ATRNL1: variants seen among roughly 807,000 people sequenced by gnomAD.
The protein encoded by ATRNL1 is attractin like 1.
In ATRNL1, 95 loss-of-function variants were observed where a neutral mutation model predicts 182.7. The observed-to-expected ratio is 0.52, with a 90% CI of 0.44 to 0.62. ATRNL1 has a LOEUF of 0.62. Among genes scored for constraint, ATRNL1 ranks in the 20% least tolerant of loss-of-function variants. The probability of loss-of-function intolerance (pLI) is 0.00; values close to 1 mark genes in which losing one functional copy is unlikely to be tolerated. For missense variants in ATRNL1, 1,471 were observed against 1,679.5 expected (o/e 0.88, Z 2.17); for synonymous variants, 576 against 568.3 (o/e 1.01, Z -0.19).
chr10:115,847,365 G>T (rs1298998375), intron 27 of ATRNL1, among the ~76,000 whole-genome samples: 1 of 152,012 alleles, frequency 6.6e-6, no homozygotes, highest in Non-Finnish European at 1.5e-5. Flanking sequence ...TATTTTAGGT[G>T]CTCTTTCCAC....
At chr10:115,505,689 T>C (rs1417483254) in intron 24 of ATRNL1, among the ~76,000 whole-genome samples, 1 of 151,754 alleles carries the variant, frequency 6.6e-6, no homozygotes, top group African/African-American at 2.4e-5. Flanking sequence ...AGAAAAAATA[T>C]TTTGCTCAAA....
At chr10:115,242,249 T>C (rs186275755) in intron 10 of ATRNL1, among the ~76,000 whole-genome samples, 56 of 152,122 alleles carry the variant, frequency 3.7e-4, no homozygotes, top group Non-Finnish European at 7.1e-4. Context: ...GAAACCCAGA[T>C]GTATCTGGGA....
chr10:115,214,069 T>TACACACACACAC (rs1592270156), intron 8 of ATRNL1, among the ~76,000 whole-genome samples: 2 of 70,200 alleles, frequency 2.8e-5, no homozygotes, highest in East Asian at 4.2e-4. Context: ...CACACACACA[T>TACACACACACAC]ATATATAAAC....
At chr10:115,549,397 T>C (rs1592835522) in intron 25 of ATRNL1, 61 bp from the exon 26 acceptor site, 2 of 1,274,864 alleles carry the variant, frequency 1.6e-6, no homozygotes, top group Non-Finnish European at 2.2e-6. Flanking sequence ...TCATGTACTG[T>C]TTTTTCATTA....
At chr10:115,253,464 G>A (rs781849268) in intron 10 of ATRNL1, among the ~76,000 whole-genome samples, 111 of 151,620 alleles carry the variant, frequency 7.3e-4, no homozygotes, top group Admixed American at 2.2e-3. Context: ...CAGACAACAA[G>A]TTTTTTTTTG....
chr10:115,527,403 G>A (rs1465218175), intron 25 of ATRNL1, among the ~76,000 whole-genome samples: 1 of 152,170 alleles, frequency 6.6e-6, no homozygotes, highest in Non-Finnish European at 1.5e-5. Flanking sequence ...TTACAGGCAT[G>A]AGCCACTGTC....
At chr10:115,558,065 CAA>C (rs113014620) in intron 26 of ATRNL1, among the ~76,000 whole-genome samples, 4 of 144,630 alleles carry the variant, frequency 2.8e-5, no homozygotes, top group African/African-American at 1.0e-4. Context: ...AACAAAAAAA[CAA>C]AAAAAAAAAA....
rs1202136110 is a variant in ATRNL1 at position 115,536,113 on chromosome 10, G to T, written c.3717-13345G>T. On this transcript the variant is annotated intron_variant, in intron 25 of 28. Transcript: ENST00000355044. Reference sequence around the variant, plus strand: ...CCCGTTCTCAGATCTCCAGCTGCGTGCTGGGAGAACCACTGCTCTCTTCGA... The same window carrying T: ...CCCGTTCTCAGATCTCCAGCTGCGTTCTGGGAGAACCACTGCTCTCTTCGA... 1.3e-5 allele frequency among the ~76,000 whole-genome samples: 2 copies of T among 152,246 alleles called. 1 individual carries two copies. The highest frequency in any genetic ancestry group is 3.9e-4 in the East Asian group (2 of 5,152).
chr10:115,464,144 AAC>A (rs2134542662), intron 22 of ATRNL1, among the ~76,000 whole-genome samples: 1 of 152,140 alleles, frequency 6.6e-6, no homozygotes, highest in Admixed American at 6.6e-5. Context: ...TGTGAAGCTT[AAC>A]GATGCATAAC....
chr10:115,864,177 T>C (rs1330245552), intron 28 of ATRNL1, among the ~76,000 whole-genome samples: 1 of 151,808 alleles, frequency 6.6e-6, no homozygotes, highest in Non-Finnish European at 1.5e-5. Context: ...GAGGATCGCT[T>C]GATCCCATGA....
chr10:115,446,953 T>A (rs1847030464), intron 21 of ATRNL1, among the ~76,000 whole-genome samples: 1 of 151,996 alleles, frequency 6.6e-6, no homozygotes, highest in African/African-American at 2.4e-5. Context: ...ATATATCATT[T>A]AAAGTGGTTC....
At chr10:115,394,781 C>G in intron 20 of ATRNL1, 29 bp downstream of exon 20, 1 of 1,493,914 alleles carries the variant, frequency 6.7e-7, no homozygotes, top group East Asian at 2.4e-5. Context: ...TTAGAACTTT[C>G]GTGGATTGAA....
At chr10:115,241,828 A>T (rs1402944747) in intron 10 of ATRNL1, 103 bp downstream of exon 10, 4 of 941,026 alleles carry the variant, frequency 4.3e-6, no homozygotes, top group Admixed American at 2.4e-5. Context: ...GTCATTTTAG[A>T]GTTAAGTGAT....
At position 115,315,526 on chromosome 10, in the gene ATRNL1, T is replaced by C. The variant is rs141011040; in HGVS notation, c.2827T>C (p.Cys943Arg). ...ATGTTCCTGTCACGCAGCTCAAAATTGTTCTGGATTGAGAACCTGTGGACA... is the reference window on the plus strand; with the variant it reads ...ATGTTCCTGTCACGCAGCTCAAAATCGTTCTGGATTGAGAACCTGTGGACA... Reference protein sequence around the residue: ...WQTATCSPQNCSGLRTCGQCL... With the variant: ...WQTATCSPQNRSGLRTCGQCL... Residue 943 changes from cysteine (C) to arginine (R), a missense_variant, in exon 18 of 29, where the codon TGT becomes CGT. By Grantham distance (180) the Cys-to-Arg change is radical (BLOSUM62 -3). This residue lies in a region of ATRNL1 where 1,031 missense variants were observed against 1,156.0 expected (regional missense o/e 0.89). Coordinates refer to ENST00000355044, the MANE Select transcript of ATRNL1 (RefSeq NM_207303.4). 3 of 1,607,094 alleles carry C rather than the reference T, an allele frequency of 1.9e-6. No individual in the cohort carries two copies. In the African/African-American group the frequency reaches 4.0e-5, roughly 21 times the overall value.
At chr10:115,320,641 G>A (rs1264478356) in intron 18 of ATRNL1, among the ~76,000 whole-genome samples, 1 of 151,906 alleles carries the variant, frequency 6.6e-6, no homozygotes, top group Non-Finnish European at 1.5e-5. Context: ...TCAGCAAGGT[G>A]GTCTTCAAAC....
chr10:115,383,622 A>C (rs952840073), intron 19 of ATRNL1, among the ~76,000 whole-genome samples: 7 of 151,984 alleles, frequency 4.6e-5, no homozygotes, highest in African/African-American at 1.7e-4. Flanking sequence ...GTCCCATAAG[A>C]AAATTGCAAA....
In ATRNL1 at chr10:115,389,580, A is replaced by ATACATATATATATATATG. The variant is rs1564990272; in HGVS notation, c.3176-5077_3176-5076insCATATATATATATATGTA. Among the ~76,000 whole-genome samples the ATACATATATATATATATG allele has an allele frequency of 6.4e-5, 7 of 109,006 alleles. 1 individual carries two copies. Among genetic ancestry groups the ATACATATATATATATATG allele is most frequent in the African/African-American group, 2.4e-4 (7 of 28,860 alleles). The allele number at this position is 109,006 out of a possible 152,430, so 71.5% of individuals were successfully genotyped here. A position where few individuals can be genotyped will look rare whatever the true frequency, so the allele number is the denominator to read the frequency against. ...TATATATATATATATATATATATAT[A>ATACATATATATATATATG]TATATATATATTTCATCCAATGATG... is the stretch of plus-strand genomic sequence containing the variant. On this transcript the variant is annotated intron_variant, in intron 19 of 28. Transcript: ENST00000355044.
chr10:115,668,738 T>C (rs1286251710), intron 26 of ATRNL1, among the ~76,000 whole-genome samples: 4 of 152,250 alleles, frequency 2.6e-5, no homozygotes, highest in Admixed American at 1.3e-4. Flanking sequence ...ACCAAGCATT[T>C]AACTTTAACC....
At chr10:115,889,261 C>T (rs561931793) in intron 28 of ATRNL1, among the ~76,000 whole-genome samples, 36 of 152,230 alleles carry the variant, frequency 2.4e-4, no homozygotes, top group African/African-American at 8.2e-4. Context: ...GCTACTTACA[C>T]ACTTTTGGGC....
Sources: allele counts gnomAD v4.1 joint callset (sites outside exome capture counted in the v4.1 genomes callset), GRCh38; gene constraint gnomAD v4.1.1; regional missense constraint gnomAD v4.1.1; transcripts MANE v1.5; gene names NCBI Gene and HGNC (gene_info 2026-07-23, HGNC 2026-07-21).